Variants in C21orf58 observed in about 807,000 individuals in gnomAD.
The protein encoded by C21orf58 is chromosome 21 open reading frame 58.
In C21orf58, 34 loss-of-function variants were observed where a neutral mutation model predicts 35.8. That is an observed-to-expected ratio of 0.95 (90% CI 0.72 to 1.26). C21orf58 has a LOEUF of 1.26. C21orf58 is among the 50% of genes most tolerant of loss of function. C21orf58 has a pLI of 0.00. For missense variants in C21orf58, 440 were observed against 414.3 expected, an observed-to-expected ratio of 1.06 and a Z score of -0.54; for synonymous variants, 191 against 175.8, an observed-to-expected ratio of 1.09 and a Z score of -0.68.
intron 5 of C21orf58, 127 bp from the exon 6 acceptor site, chr21:46,311,694 A>G: frequency 4.9e-6 from 2 of 407,326 alleles, no homozygotes; most frequent in Non-Finnish European, 9.0e-6. Flanking sequence ...CATCCATCCA[A>G]CCAACCAACC....
At chr21:46,314,424 C>T (rs900433642) in intron 5 of C21orf58, among the ~76,000 whole-genome samples, 27 of 152,124 alleles carry the variant, frequency 1.8e-4, no homozygotes, top group African/African-American at 4.8e-4. Flanking sequence ...AATTCAGGGC[C>T]GCCCGCTGAG....
chr21:46,321,564 A>T (rs982534836), intron 1 of C21orf58, among the ~76,000 whole-genome samples: 1 of 152,204 alleles, frequency 6.6e-6, no homozygotes, highest in African/African-American at 2.4e-5. Context: ...TACTGGGCAG[A>T]TATTTTGAAG....
chr21:46,314,929 C>T (rs548137376), intron 4 of C21orf58, 49 bp from the exon 5 acceptor site: 34 of 1,550,290 alleles, frequency 2.2e-5, no homozygotes, highest in South Asian at 1.4e-4. Flanking sequence ...GGAGCCCCAA[C>T]GCCACAGAGG....
At position 46,314,852 on chromosome 21, in the gene C21orf58, C is replaced by G; in HGVS notation, c.473G>C (p.Arg158Pro). The change falls in exon 5 of 8, where the codon CGG (arginine) becomes CCG (proline). Residue 158 changes from arginine to proline, a missense_variant. Transcript: ENST00000291691. ...GCTTGGCCCGCTCCAGGCCTGGGCCCGAGAGAGCTCGTCCAGGAGGTGTTG... is the reference window on the plus strand; with the variant it reads ...GCTTGGCCCGCTCCAGGCCTGGGCCGGAGAGAGCTCGTCCAGGAGGTGTTG... ...REQHLLDELS[R>P]AQAWSGPSRG... The G allele has an allele frequency of 1.3e-6, 2 of 1,550,314 alleles. No individual in the cohort carries two copies. Among genetic ancestry groups the G allele is most frequent in the Non-Finnish European group, 1.7e-6 (2 of 1,146,866 alleles).
intron 6 of C21orf58, 128 bp from the exon 7 acceptor site, chr21:46,302,704 G>C (rs1211919851): frequency 1.3e-6 from 1 of 743,066 alleles, no homozygotes; most frequent in Non-Finnish European, 2.3e-6. Context: ...GGCAGGCTCT[G>C]AGTCCGTCTG....
At chr21:46,319,503 C>T (rs2083086138) in intron 1 of C21orf58, among the ~76,000 whole-genome samples, 1 of 152,208 alleles carries the variant, frequency 6.6e-6, no homozygotes, top group Non-Finnish European at 1.5e-5. Flanking sequence ...TGGCTCACGC[C>T]TGTAATCTCA....
chr21:46,302,228 C>A, intron 7 of C21orf58, 74 bp from the exon 8 acceptor site: 1 of 1,432,392 alleles, frequency 7.0e-7, no homozygotes, highest in Non-Finnish European at 9.1e-7. Context: ...CTGTTCCTAA[C>A]TGGGGCTGGA....
At chr21:46,300,690 G>A (rs752581304), downstream of C21orf58, 1 of 1,283,954 alleles carries the variant, frequency 7.8e-7, no homozygotes, top group African/African-American at 1.5e-5. Context: ...GCAGCTCAGT[G>A]GCAACTCTCT....
At chr21:46,310,152 A>G (rs1033797414) in intron 6 of C21orf58, among the ~76,000 whole-genome samples, 1 of 152,172 alleles carries the variant, frequency 6.6e-6, no homozygotes, top group Non-Finnish European at 1.5e-5. Flanking sequence ...TCTTGATTGT[A>G]GTGATATAAG....
intron 1 of C21orf58, chr21:46,318,515 G>A (rs1809557220): frequency 7.7e-7 from 1 of 1,305,460 alleles, no homozygotes; most frequent in Non-Finnish European, 9.8e-7. Context: ...ACCAGCCTCA[G>A]GACCCAGTCC....
intron 7 of C21orf58, 73 bp from the exon 8 acceptor site, chr21:46,302,227 A>G: frequency 7.0e-7 from 1 of 1,432,334 alleles, no homozygotes; most frequent in African/African-American, 1.4e-5. Flanking sequence ...CCTGTTCCTA[A>G]CTGGGGCTGG....
chr21:46,311,703 C>G (rs1351660374), intron 5 of C21orf58, 136 bp from the exon 6 acceptor site: 8 of 472,104 alleles, frequency 1.7e-5, no homozygotes, highest in Non-Finnish European at 2.7e-5. Context: ...AACCAACCAA[C>G]CAACCAACCA....
chr21:46,303,020 C>T (rs1266203920), intron 6 of C21orf58, among the ~76,000 whole-genome samples: 2 of 152,034 alleles, frequency 1.3e-5, no homozygotes, highest in Non-Finnish European at 2.9e-5. Flanking sequence ...AAAAATTAGC[C>T]AGGCGTGGTG....
chr21:46,302,082 G>C lies in C21orf58; in HGVS notation c.886C>G (p.His296Asp). Residue 296 changes from histidine to aspartate, a missense_variant, in exon 8 of 8, where the codon CAC becomes GAC. Physicochemically the swap from His to Asp is moderately conservative, Grantham distance 81. Transcript: ENST00000291691. ...PRLPAVHHHH[H>D]HHHAVWPPGA... ...GGTGGCCACACAGCATGGTGGTGGTGGTGGTGGTGGTGCACGGCAGGCAGC... is the reference window on the plus strand; with the variant it reads ...GGTGGCCACACAGCATGGTGGTGGTCGTGGTGGTGGTGCACGGCAGGCAGC... 2 of 1,534,376 alleles carry C rather than the reference G, an allele frequency of 1.3e-6. No individual in the cohort carries two copies. Among genetic ancestry groups the C allele is most frequent in the South Asian group, 2.4e-5 (2 of 82,938 alleles).
intron 4 of C21orf58, 54 bp from the exon 5 acceptor site, chr21:46,314,934 C>T (rs1354252373): frequency 6.5e-7 from 1 of 1,550,334 alleles, no homozygotes. Context: ...CCCAACGCCA[C>T]AGAGGCACCC....
chr21:46,309,972 A>C (rs1312713630), intron 6 of C21orf58, among the ~76,000 whole-genome samples: 1 of 151,902 alleles, frequency 6.6e-6, no homozygotes, highest in African/African-American at 2.4e-5. Context: ...ACTCCAGCCT[A>C]GGCGACAGGC....
rs150599402 is a variant in C21orf58 at position 46,318,091 on chromosome 21, G to T, written c.230C>A (p.Ser77Ter). The change falls in exon 2 of 8, where the codon TCG (serine) becomes TAG (stop). Residue 77 changes from serine to a stop codon, truncating the protein, a stop_gained. Coordinates refer to ENST00000291691, the MANE Select transcript of C21orf58 (RefSeq NM_058180.5). LOFTEE classifies it high-confidence loss of function. ...GGLWPPLPLQSSPAAPTMLDS... is the reference protein window; with the variant it reads ...GGLWPPLPLQ ...CAGCATGGTGGGAGCTGCAGGAGACGACTGTAGGGGCAGGGGAGGCCACAG... is the reference window on the plus strand; with the variant it reads ...CAGCATGGTGGGAGCTGCAGGAGACTACTGTAGGGGCAGGGGAGGCCACAG... 3 of 1,613,338 alleles carry T rather than the reference G, an allele frequency of 1.9e-6. No homozygotes were observed. Among genetic ancestry groups the T allele is most frequent in the Admixed American group, 1.7e-5 (1 of 60,032 alleles).
intron 6 of C21orf58, among the ~76,000 whole-genome samples, chr21:46,307,058 GC>G (rs1331010675): frequency 6.6e-6 from 1 of 151,598 alleles, no homozygotes; most frequent in Non-Finnish European, 1.5e-5. Context: ...ACCACACCTG[GC>G]TGATTTTTGT....
At chr21:46,313,421 G>A (rs572194382) in intron 5 of C21orf58, among the ~76,000 whole-genome samples, 30 of 152,302 alleles carry the variant, frequency 2.0e-4, no homozygotes, top group Admixed American at 8.5e-4. Flanking sequence ...TGCCGTGCCC[G>A]TCCTGGCTGA....
Sources: allele counts gnomAD v4.1 joint callset (sites outside exome capture counted in the v4.1 genomes callset), GRCh38; gene constraint gnomAD v4.1.1; transcripts MANE v1.5; gene names NCBI Gene and HGNC (gene_info 2026-07-23, HGNC 2026-07-21).